The following ITPR1 variants were observed in gnomAD, a reference collection of about 807,000 sequenced individuals.
ITPR1 encodes the protein inositol 1,4,5-trisphosphate receptor type 1.
A neutral mutation model predicts 318.4 loss-of-function variants in ITPR1; 96 were observed. The observed-to-expected ratio is 0.30, with a 90% CI of 0.26 to 0.36. ITPR1 has a LOEUF of 0.36. Among genes scored for constraint, ITPR1 ranks in the 10% least tolerant of loss-of-function variants. The probability of loss-of-function intolerance (pLI) is 1.00; values close to 1 mark genes in which losing one functional copy is unlikely to be tolerated. For missense variants in ITPR1, 2,440 were observed against 3,460.2 expected, an observed-to-expected ratio of 0.71 and a Z score of 7.40; for synonymous variants, 1,312 against 1,289.9, an observed-to-expected ratio of 1.02 and a Z score of -0.37.
chr3:4,829,376 C>T (rs1054381598), intron 60 of ITPR1, among the ~76,000 whole-genome samples: 1 of 151,882 alleles, frequency 6.6e-6, no homozygotes, highest in African/African-American at 2.4e-5. Flanking sequence ...ACTTTTGGGA[C>T]AAAGAGAACT....
intron 4 of ITPR1, among the ~76,000 whole-genome samples, chr3:4,594,122 C>G (rs1423908369): frequency 6.6e-6 from 1 of 152,098 alleles, no homozygotes; most frequent in African/African-American, 2.4e-5. Flanking sequence ...TGGGGAGATA[C>G]AAGTGAGAGA....
chr3:4,583,079 G>C (rs1267005220), intron 4 of ITPR1, among the ~76,000 whole-genome samples: 1 of 152,164 alleles, frequency 6.6e-6, no homozygotes, highest in African/African-American at 2.4e-5. Flanking sequence ...TATAGGAGAA[G>C]AAGAAGATTT....
chr3:4,776,140 G>T (rs889111843), intron 47 of ITPR1, among the ~76,000 whole-genome samples: 2 of 152,180 alleles, frequency 1.3e-5, no homozygotes, highest in African/African-American at 4.8e-5. Context: ...GTGCAGTGGT[G>T]CAATCTCGGC....
At chr3:4,650,573 C>CTAGT (rs2125168557) in intron 10 of ITPR1, among the ~76,000 whole-genome samples, 1 of 145,528 alleles carries the variant, frequency 6.9e-6, no homozygotes, top group African/African-American at 2.5e-5. Context: ...TTTTTTATTT[C>CTAGT]TAGTTTACAT....
intron 4 of ITPR1, among the ~76,000 whole-genome samples, chr3:4,523,274 C>A (rs2082705307): frequency 6.6e-6 from 1 of 151,970 alleles, no homozygotes; most frequent in Admixed American, 6.6e-5. Context: ...TAACTAGTGG[C>A]TATTTGTTTT....
chr3:4,744,207 A>G (rs1198959197), intron 44 of ITPR1, among the ~76,000 whole-genome samples: 1 of 152,218 alleles, frequency 6.6e-6, no homozygotes, highest in Non-Finnish European at 1.5e-5. Context: ...AATTTTACTA[A>G]AAGTGCAGAG....
At chr3:4,559,164 G>GT (rs5846326) in intron 4 of ITPR1, among the ~76,000 whole-genome samples, 190 of 147,994 alleles carry the variant, frequency 1.3e-3, no homozygotes, top group Admixed American at 2.2e-3. Context: ...TGAAAAAGTT[G>GT]TTTTTTTTTT....
chr3:4,688,679 A>C (rs961576957), intron 31 of ITPR1, 59 bp downstream of exon 31: 3 of 1,549,076 alleles, frequency 1.9e-6, no homozygotes. Flanking sequence ...AAGAGGGAGG[A>C]GGAACAGCTT....
At chr3:4,528,692 A>G (rs2083178273) in intron 4 of ITPR1, among the ~76,000 whole-genome samples, 1 of 152,194 alleles carries the variant, frequency 6.6e-6, no homozygotes, top group Non-Finnish European at 1.5e-5. Flanking sequence ...GTCTTGTTAA[A>G]TAAGGCAGAA....
intron 4 of ITPR1, among the ~76,000 whole-genome samples, chr3:4,603,853 T>C (rs2091493078): frequency 6.6e-6 from 1 of 152,206 alleles, no homozygotes. Flanking sequence ...CTTTGGGTAA[T>C]ACGCAGTAAT....
In ITPR1 at chr3:4,702,795, C is replaced by G. The variant is rs373386227; in HGVS notation, c.4537-35C>G. ...TCATCAGTAGTCTACAAATAAAAATCTGTTTTTCACGTTGCCTCTTTTGGC... is the reference window on the plus strand; with the variant it reads ...TCATCAGTAGTCTACAAATAAAAATGTGTTTTTCACGTTGCCTCTTTTGGC... On this transcript the variant is annotated intron_variant, in intron 35 of 61. Coordinates refer to ENST00000649015, the MANE Select transcript of ITPR1 (RefSeq NM_001378452.1). 1,008 of 1,605,624 alleles carry G rather than the reference C, an allele frequency of 6.3e-4. 12 individuals carry two copies. In the South Asian group the frequency reaches 0.011, roughly 17 times the overall value.
chr3:4,632,606 C>G (rs2125136503), intron 5 of ITPR1, among the ~76,000 whole-genome samples: 1 of 152,254 alleles, frequency 6.6e-6, no homozygotes, highest in South Asian at 2.1e-4. Context: ...GGAACTAATT[C>G]AATTAAGGCT....
chr3:4,501,615 G>A (rs544962895), intron 2 of ITPR1, among the ~76,000 whole-genome samples: 2 of 152,376 alleles, frequency 1.3e-5, no homozygotes, highest in East Asian at 3.9e-4. Context: ...TCAGGCTGAA[G>A]CTGACCTTTG....
At chr3:4,842,351 G>C (rs2051410381) in intron 61 of ITPR1, among the ~76,000 whole-genome samples, 1 of 152,190 alleles carries the variant, frequency 6.6e-6, no homozygotes, top group Admixed American at 6.5e-5. Flanking sequence ...GGAATTTTGA[G>C]GTTTGGTTTG....
chr3:4,792,476 G>T (rs1035553088), intron 52 of ITPR1, among the ~76,000 whole-genome samples: 9 of 152,182 alleles, frequency 5.9e-5, no homozygotes, highest in African/African-American at 2.2e-4. Context: ...TCCTCTGGAT[G>T]GTTCTGGCTC....
intron 4 of ITPR1, among the ~76,000 whole-genome samples, chr3:4,624,366 C>T (rs918093000): frequency 3.9e-5 from 6 of 152,028 alleles, no homozygotes; most frequent in South Asian, 2.1e-4. Flanking sequence ...CCCAGTTTCC[C>T]GAATTAGATT....
intron 26 of ITPR1, 147 bp from the exon 27 acceptor site, chr3:4,683,239 T>A: frequency 1.3e-6 from 1 of 747,556 alleles, no homozygotes; most frequent in Non-Finnish European, 2.4e-6. Flanking sequence ...AAGGCTGTAT[T>A]GTTAAAGGAG....
chr3:4,522,583 C>G (rs986003067), intron 4 of ITPR1, among the ~76,000 whole-genome samples: 3 of 152,130 alleles, frequency 2.0e-5, no homozygotes, highest in Non-Finnish European at 4.4e-5. Flanking sequence ...AAGAGGAACC[C>G]AAGGCGGCTA....
chr3:4,685,005 C>G (rs2094366563), intron 29 of ITPR1, 64 bp from the exon 30 acceptor site: 2 of 1,539,632 alleles, frequency 1.3e-6, no homozygotes, highest in African/African-American at 1.4e-5. Flanking sequence ...CGCCACCACC[C>G]TCTGCAATCT....
Sources: gnomAD v4.1 joint callset for allele counts (sites outside exome capture counted in the v4.1 genomes callset) on GRCh38, gnomAD v4.1.1 for gene constraint, MANE v1.5 for transcripts, NCBI Gene and HGNC (gene_info 2026-07-23, HGNC 2026-07-21) for gene names.